The following NMNAT2 variants were observed in gnomAD, a reference collection of about 807,000 sequenced individuals.
NMNAT2 encodes the protein nicotinamide/nicotinic acid mononucleotide adenylyltransferase 2.
A neutral mutation model predicts 41.6 loss-of-function variants in NMNAT2; 11 were observed. The ratio of observed to expected loss-of-function variants is 0.26; its 90% CI spans 0.17 to 0.44. NMNAT2 has a LOEUF of 0.44. Among genes scored for constraint, NMNAT2 ranks in the 20% least tolerant of loss-of-function variants. NMNAT2 has a pLI of 1.00. For missense variants in NMNAT2, 288 were observed against 407.7 expected (o/e 0.71, Z 2.53); for synonymous variants, 148 against 151.2 (o/e 0.98, Z 0.16).
chr1:183,344,564 G>C (rs995859232), intron 1 of NMNAT2, among the ~76,000 whole-genome samples: 5 of 152,154 alleles, frequency 3.3e-5, no homozygotes, highest in African/African-American at 1.2e-4. Context: ...CACTTAGTAG[G>C]TGCTTTATAA....
At chr1:183,358,302 A>G (rs567622336) in intron 1 of NMNAT2, among the ~76,000 whole-genome samples, 1 of 152,334 alleles carries the variant, frequency 6.6e-6, no homozygotes, top group Non-Finnish European at 1.5e-5. Context: ...GAGGATCAGG[A>G]AAAATAACTA....
chr1:183,284,871 G>T (rs2102302811), intron 5 of NMNAT2, 81 bp from the exon 6 acceptor site: 4 of 1,174,006 alleles, frequency 3.4e-6, no homozygotes, highest in Middle Eastern at 2.1e-4. Context: ...CCGGCATTGG[G>T]GCCGCTGTAA....
At chr1:183,258,144 G>A (rs1379619603) in intron 10 of NMNAT2, among the ~76,000 whole-genome samples, 1 of 152,178 alleles carries the variant, frequency 6.6e-6, no homozygotes, top group Non-Finnish European at 1.5e-5. Context: ...AGGTATAAAG[G>A]ACTCCAGTGA....
chr1:183,323,544 A>T (rs1453312801), intron 1 of NMNAT2, among the ~76,000 whole-genome samples: 3 of 152,190 alleles, frequency 2.0e-5, no homozygotes, highest in Non-Finnish European at 4.4e-5. Context: ...CCCTACCCTC[A>T]TTACCATTGC....
At chr1:183,383,253 C>T (rs1663841570) in intron 1 of NMNAT2, among the ~76,000 whole-genome samples, 2 of 152,226 alleles carry the variant, frequency 1.3e-5, no homozygotes, top group South Asian at 4.1e-4. Context: ...TGAGGCTGTG[C>T]AGGGCAGCAG....
intron 1 of NMNAT2, among the ~76,000 whole-genome samples, chr1:183,302,721 A>G (rs1357740181): frequency 6.6e-6 from 1 of 152,174 alleles, no homozygotes; most frequent in Non-Finnish European, 1.5e-5. Flanking sequence ...TATGCCCCAG[A>G]GGCTGCTGAA....
chr1:183,331,380 G>A (rs2020986), intron 1 of NMNAT2, among the ~76,000 whole-genome samples: 68,143 of 152,004 alleles, frequency 0.45, 16,299 homozygotes, highest in East Asian at 0.78. Flanking sequence ...GAAGGAGAGA[G>A]GAGAAGGGAG....
chr1:183,295,927 C>T (rs1661679468), intron 1 of NMNAT2, among the ~76,000 whole-genome samples: 1 of 152,162 alleles, frequency 6.6e-6, no homozygotes, highest in Admixed American at 6.5e-5. Flanking sequence ...CAGCTCACTG[C>T]AACCTCCGCC....
At chr1:183,282,812 C>T (rs1405069131) in intron 7 of NMNAT2, 4 of 152,162 alleles carry the variant, frequency 2.6e-5, no homozygotes, top group Non-Finnish European at 4.4e-5. Flanking sequence ...CAGAGAGTGA[C>T]TTGCTGGTCA....
At chr1:183,322,808 G>T (rs1662380797) in intron 1 of NMNAT2, among the ~76,000 whole-genome samples, 1 of 152,158 alleles carries the variant, frequency 6.6e-6, no homozygotes, top group African/African-American at 2.4e-5. Flanking sequence ...CCATCTGTCT[G>T]CTGACATCTC....
chr1:183,343,770 A>T (rs1220833995), intron 1 of NMNAT2, among the ~76,000 whole-genome samples: 1 of 152,130 alleles, frequency 6.6e-6, no homozygotes, highest in Admixed American at 6.5e-5. Context: ...CACAAGTCTG[A>T]TCTTGTCACT....
chr1:183,333,023 G>T (rs1409586533), intron 1 of NMNAT2, among the ~76,000 whole-genome samples: 2 of 152,184 alleles, frequency 1.3e-5, no homozygotes. Context: ...ACCAGGTAAT[G>T]ACATCCACTC....
chr1:183,321,748 A>C (rs115430862), intron 1 of NMNAT2, among the ~76,000 whole-genome samples: 1,903 of 152,200 alleles, frequency 0.013, 50 homozygotes, highest in African/African-American at 0.043. Flanking sequence ...AAAAGAAAAA[A>C]AAAAGGAAGA....
At chr1:183,414,649 T>G (rs962979697) in intron 1 of NMNAT2, among the ~76,000 whole-genome samples, 3 of 152,242 alleles carry the variant, frequency 2.0e-5, no homozygotes, top group Non-Finnish European at 4.4e-5. Context: ...TATACAAGTG[T>G]CAAATATCTC....
At chr1:183,349,082 C>T (rs899691715) in intron 1 of NMNAT2, among the ~76,000 whole-genome samples, 4 of 133,718 alleles carry the variant, frequency 3.0e-5, no homozygotes, top group Non-Finnish European at 5.0e-5. Flanking sequence ...GCACCCAGCT[C>T]ACCTGCTCTC....
At chr1:183,299,943 C>T (rs1189803418) in intron 1 of NMNAT2, among the ~76,000 whole-genome samples, 4 of 152,158 alleles carry the variant, frequency 2.6e-5, no homozygotes, top group African/African-American at 4.8e-5. Flanking sequence ...GTCTGTCTCT[C>T]CAAAATTCAT....
chr1:183,332,619 C>A (rs1343163854), intron 1 of NMNAT2, among the ~76,000 whole-genome samples: 2 of 152,162 alleles, frequency 1.3e-5, no homozygotes, highest in Non-Finnish European at 2.9e-5. Context: ...GCCAACCCTG[C>A]ACATGGGGGC....
At chr1:183,309,295 C>T (rs901004980) in intron 1 of NMNAT2, among the ~76,000 whole-genome samples, 2 of 152,032 alleles carry the variant, frequency 1.3e-5, no homozygotes, top group Admixed American at 6.5e-5. Flanking sequence ...CCACTGTGCC[C>T]GGCCTTTGGA....
chr1:183,367,340 C>T (rs1178223149), intron 1 of NMNAT2, among the ~76,000 whole-genome samples: 3 of 152,148 alleles, frequency 2.0e-5, no homozygotes, highest in Non-Finnish European at 4.4e-5. Flanking sequence ...TGCCTGTAGT[C>T]CCAGCTACTT....
Sources: allele counts gnomAD v4.1 joint callset (sites outside exome capture counted in the v4.1 genomes callset), GRCh38; gene constraint gnomAD v4.1.1; transcripts MANE v1.5; gene names NCBI Gene and HGNC (gene_info 2026-07-23, HGNC 2026-07-21).